The following RAB21 variants were observed in gnomAD, a reference collection of about 807,000 sequenced individuals.
RAB21 encodes RAB21, member RAS oncogene family, also known as ras-related protein Rab-21.
A neutral mutation model predicts 33.1 loss-of-function variants in RAB21; 13 were observed. The ratio of observed to expected loss-of-function variants is 0.39; its 90% CI spans 0.26 to 0.62. The LOEUF is 0.62. RAB21 is among the 20% of genes least tolerant of loss of function. The pLI is 0.48. For synonymous variants in RAB21, 91 were observed against 103.7 expected (o/e 0.88, Z 0.74); for missense variants, 234 against 279.1 (o/e 0.84, Z 1.15).
At chr12:71,774,044 T>TAA in intron 4 of RAB21, 22 bp downstream of exon 4, 1 of 1,490,496 alleles carries the variant, frequency 6.7e-7, no homozygotes, top group Non-Finnish European at 9.0e-7. Context: ...TACTTTTTTC[T>TAA]AAAAAAAAAG....
chr12:71,769,711 A>G, intron 1 of RAB21, 89 bp from the exon 2 acceptor site: 1 of 587,268 alleles, frequency 1.7e-6, no homozygotes, highest in Non-Finnish European at 2.8e-6. Context: ...GATAACTTTT[A>G]CATTGAGATG....
At chr12:71,768,444 A>C (rs1270581969) in intron 1 of RAB21, among the ~76,000 whole-genome samples, 1 of 151,904 alleles carries the variant, frequency 6.6e-6, no homozygotes, top group Non-Finnish European at 1.5e-5. Flanking sequence ...TCAGCTCTCT[A>C]TTCCTTTTTT....
At chr12:71,764,699 C>T (rs929022116) in intron 1 of RAB21, among the ~76,000 whole-genome samples, 10 of 152,116 alleles carry the variant, frequency 6.6e-5, no homozygotes, top group African/African-American at 9.7e-5. Context: ...TAAGTGAGAA[C>T]GTACAATATT....
At chr12:71,772,908 C>T (rs954208092) in intron 3 of RAB21, among the ~76,000 whole-genome samples, 1 of 152,284 alleles carries the variant, frequency 6.6e-6, no homozygotes, top group East Asian at 1.9e-4. Context: ...AAGATAGTTC[C>T]TCTTCATTCT....
intron 5 of RAB21, 90 bp downstream of exon 5, chr12:71,782,175 A>C (rs1883211308): frequency 2.5e-6 from 3 of 1,222,372 alleles, no homozygotes; most frequent in Admixed American, 1.9e-5. Flanking sequence ...GTATTACTCA[A>C]ATCTCTTAGC....
At chr12:71,773,193 C>T (rs948528091) in intron 3 of RAB21, among the ~76,000 whole-genome samples, 2 of 152,240 alleles carry the variant, frequency 1.3e-5, no homozygotes, top group African/African-American at 4.8e-5. Flanking sequence ...TTCCAGTTTA[C>T]TGCCAACTGT....
intron 1 of RAB21, among the ~76,000 whole-genome samples, chr12:71,758,248 G>T (rs1057263943): frequency 6.6e-6 from 1 of 151,774 alleles, no homozygotes; most frequent in Non-Finnish European, 1.5e-5. Context: ...GGCCAGGCTG[G>T]TCTCGAACTC....
At position 71,798,069 on chromosome 12, in the gene RAB21, A is replaced by T. The variant is rs541802333; in HGVS notation, c.*12396A>T. The T allele has an allele frequency of 6.6e-6, 1 of 152,306 alleles. No individual in the cohort carries two copies. Among genetic ancestry groups the T allele is most frequent in the East Asian group, 1.9e-4 (1 of 5,186 alleles). The allele number at this position is 152,306 out of a possible 1,614,324, so 9.4% of individuals were successfully genotyped here. On this transcript the variant is annotated 3_prime_UTR_variant, in exon 7 of 7. Coordinates refer to ENST00000261263, the MANE Select transcript of RAB21 (RefSeq NM_014999.4). ...AATAAGAAATGATAATGTTTTCACT[A>T]TAAATTTGTAACAATAAATTATTAT...
chr12:71,787,184 A>G lies in RAB21; in HGVS notation c.*1511A>G, dbSNP rs1470643015. On this transcript the variant is annotated 3_prime_UTR_variant, in exon 7 of 7. Coordinates refer to ENST00000261263, the MANE Select transcript of RAB21 (RefSeq NM_014999.4). ...GATGGAAACATTACATGTAATGCAG[A>G]TATAGTGAACACTGGAAAGATTTAT... is the stretch of plus-strand genomic sequence containing the variant. 2.6e-5 allele frequency: 4 copies of G among 152,186 alleles called. No homozygotes were observed. The highest frequency in any genetic ancestry group is 5.9e-5 in the Non-Finnish European group (4 of 68,038). The allele number at this position is 152,186 out of a possible 1,614,324, so 9.4% of individuals were successfully genotyped here. A position where few individuals can be genotyped will look rare whatever the true frequency, so the allele number is the denominator to read the frequency against.
intron 6 of RAB21, among the ~76,000 whole-genome samples, chr12:71,783,446 A>G (rs1388055189): frequency 2.7e-5 from 4 of 150,078 alleles, no homozygotes; most frequent in African/African-American, 9.7e-5. Flanking sequence ...GAATATTGAT[A>G]TGTGTGTGTG....
At chr12:71,781,205 C>T (rs192778429) in intron 4 of RAB21, among the ~76,000 whole-genome samples, 82 of 152,250 alleles carry the variant, frequency 5.4e-4, no homozygotes, top group African/African-American at 1.8e-3. Flanking sequence ...CGCGGTGGCT[C>T]AAGCCTGTAA....
intron 1 of RAB21, among the ~76,000 whole-genome samples, chr12:71,758,641 C>T (rs1038663871): frequency 9.7e-5 from 8 of 82,748 alleles, no homozygotes; most frequent in Non-Finnish European, 1.5e-4. Flanking sequence ...CCACCATGCT[C>T]GGCTAATTTT....
At chr12:71,768,309 AG>A (rs1206303978) in intron 1 of RAB21, among the ~76,000 whole-genome samples, 1 of 152,116 alleles carries the variant, frequency 6.6e-6, no homozygotes, top group African/African-American at 2.4e-5. Context: ...TTGAGGTAAA[AG>A]AAATCTCAAT....
At chr12:71,782,483 T>C (rs1170278497) in intron 5 of RAB21, 87 bp from the exon 6 acceptor site, 2 of 809,646 alleles carry the variant, frequency 2.5e-6, no homozygotes, top group Non-Finnish European at 3.8e-6. Context: ...AATTAATATG[T>C]CACTAAAACT....
Position 71,800,072 on chromosome 12 carries a change from CA to C in RAB21, c.*14418del, listed in dbSNP as rs11368053. On this transcript the variant is annotated 3_prime_UTR_variant, in exon 7 of 7. Coordinates refer to ENST00000261263, the MANE Select transcript of RAB21 (RefSeq NM_014999.4). The stretch of plus-strand genomic sequence containing the variant: ...TGAGCAACAGAGTGAGACTCTATCT[CA>C]AAAAAAAAAAAAAAAAAATTAATTG... The C allele has an allele frequency of 0.49, 58,890 of 120,810 alleles. 13,926 individuals carry two copies. Among genetic ancestry groups the C allele is most frequent in the East Asian group, 0.79 (3,785 of 4,774 alleles). The allele number at this position is 120,810 out of a possible 1,614,324, so 7.5% of individuals were successfully genotyped here. A position where few individuals can be genotyped will look rare whatever the true frequency, so the allele number is the denominator to read the frequency against.
chr12:71,759,208 A>G (rs1229443725), intron 1 of RAB21, among the ~76,000 whole-genome samples: 1 of 152,250 alleles, frequency 6.6e-6, no homozygotes. Flanking sequence ...TGTAATTCAC[A>G]AAACACTGAC....
At chr12:71,777,535 CTT>C (rs1461523043) in intron 4 of RAB21, among the ~76,000 whole-genome samples, 1 of 152,060 alleles carries the variant, frequency 6.6e-6, no homozygotes, top group Non-Finnish European at 1.5e-5. Flanking sequence ...TTATTAGTAA[CTT>C]TGAAATAATA....
intron 6 of RAB21, 64 bp from the exon 7 acceptor site, chr12:71,785,467 A>C (rs1270304454): frequency 1.3e-6 from 2 of 1,564,018 alleles, no homozygotes; most frequent in Admixed American, 3.7e-5. Flanking sequence ...GTTATACTGA[A>C]ATTTTAGAAA....
At position 71,755,261 on chromosome 12, in the gene RAB21, T is replaced by G. The variant is rs750306178; in HGVS notation, c.132T>G (p.Phe44Leu). 4 of 1,542,806 alleles carry G rather than the reference T, an allele frequency of 2.6e-6. No individual in the cohort carries two copies. The highest frequency in any genetic ancestry group is 3.5e-6 in the Non-Finnish European group (4 of 1,148,556). ...TGCTGCGCTACTGCGAGAACAAGTTTAACGACAAGCACATCACCACTCTGC... is the reference window on the plus strand; with the variant it reads ...TGCTGCGCTACTGCGAGAACAAGTTGAACGACAAGCACATCACCACTCTGC... ...SLVLRYCENK[F>L]NDKHITTLQA... The change falls in exon 1 of 7, where the codon TTT becomes TTG. Residue 44 changes from phenylalanine (F) to leucine (L), a missense_variant. By Grantham distance (22) the Phe-to-Leu change is conservative. Transcript: ENST00000261263.
Sources: gnomAD v4.1 joint callset for allele counts (sites outside exome capture counted in the v4.1 genomes callset) on GRCh38, gnomAD v4.1.1 for gene constraint, MANE v1.5 for transcripts, NCBI Gene and HGNC (gene_info 2026-07-23, HGNC 2026-07-21) for gene names.